The following CHSY3 variants were observed in gnomAD, a reference collection of about 807,000 sequenced individuals.
CHSY3 encodes chondroitin sulfate synthase 3.
In CHSY3, 35 loss-of-function variants were observed where a neutral mutation model predicts 67.2. The ratio of observed to expected loss-of-function variants is 0.52; its 90% CI spans 0.40 to 0.69. The LOEUF (loss-of-function observed/expected upper bound fraction) is 0.69, where lower values mean the gene tolerates loss of function less well. CHSY3 is among the 30% of genes least tolerant of loss of function. The pLI, the probability that CHSY3 is intolerant of heterozygous loss-of-function variation, is 0.00. For missense variants in CHSY3, 1,069 were observed against 1,138.5 expected (o/e 0.94, Z 0.88); for synonymous variants, 474 against 434.7 (o/e 1.09, Z -1.12).
At chr5:130,179,906 T>C (rs1770195132) in intron 2 of CHSY3, among the ~76,000 whole-genome samples, 1 of 152,178 alleles carries the variant, frequency 6.6e-6, no homozygotes, top group African/African-American at 2.4e-5. Flanking sequence ...AGACATAGAT[T>C]TTCTCTGCTG....
rs1379237412 is a variant in CHSY3, at chr5:129,905,323, C to G, written c.494C>G (p.Pro165Arg). The change falls in exon 1 of 3, where the codon CCG (proline) becomes CGG (arginine). Residue 165 changes from proline (P) to arginine (R), a missense_variant. Around this residue, in one of 5 missense-constraint regions of CHSY3, gnomAD observed 309 missense variants for 262.5 expected, o/e 1.18. Coordinates refer to ENST00000305031, the MANE Select transcript of CHSY3 (RefSeq NM_175856.5). ...AGCGGGGACGGGGGCGCTGCCGCCC[C>G]GAGCGCCCGACCCCGGGACTTCCTG... ...NGSGDGGAAA[P>R]SARPRDFLYV... The G allele has an allele frequency of 2.6e-6, 4 of 1,525,250 alleles. No homozygotes were observed. Among genetic ancestry groups the G allele is most frequent in the South Asian group, 2.4e-5 (2 of 82,884 alleles). The allele number at this position is 1,525,250 out of a possible 1,614,324, so 94.5% of individuals were successfully genotyped here.
Position 130,121,940 on chromosome 5 carries a change from G to T in CHSY3, c.1087-62289G>T, listed in dbSNP as rs139074288. Among the ~76,000 whole-genome samples the T allele has an allele frequency of 9.8e-3, 1,489 of 152,022 alleles. 29 individuals are homozygous for T. Among genetic ancestry groups the T allele is most frequent in the African/African-American group, 0.034 (1,417 of 41,480 alleles). Reference sequence around the variant, plus strand: ...AGTGATCCTGGACATGTCCGTCTGGGCTCAGCACCCTCAGCTGCACAGTTC... The same window carrying T: ...AGTGATCCTGGACATGTCCGTCTGGTCTCAGCACCCTCAGCTGCACAGTTC... On this transcript the variant is annotated intron_variant, in intron 2 of 2. Transcript: ENST00000305031.
At chr5:130,030,859 G>A (rs1232675851) in intron 2 of CHSY3, among the ~76,000 whole-genome samples, 1 of 152,046 alleles carries the variant, frequency 6.6e-6, no homozygotes, top group South Asian at 2.1e-4. Flanking sequence ...TTTGAGGATG[G>A]TCTAAAGAAT....
At chr5:130,183,436 G>A (rs559549367) in intron 2 of CHSY3, among the ~76,000 whole-genome samples, 5 of 152,140 alleles carry the variant, frequency 3.3e-5, no homozygotes, top group East Asian at 1.9e-4. Context: ...ATATCAGGAT[G>A]CTAAATGAAA....
intron 2 of CHSY3, among the ~76,000 whole-genome samples, chr5:130,072,428 A>C (rs1328410447): frequency 6.6e-6 from 1 of 152,002 alleles, no homozygotes; most frequent in Non-Finnish European, 1.5e-5. Context: ...TCCTTTCCCC[A>C]TGTGTGTTCT....
At chr5:129,911,197 A>G (rs1760533438) in intron 2 of CHSY3, among the ~76,000 whole-genome samples, 2 of 152,000 alleles carry the variant, frequency 1.3e-5, no homozygotes, top group African/African-American at 2.4e-5. Flanking sequence ...TTCCTTGAAT[A>G]TAAGTTATAT....
At position 130,144,133 on chromosome 5, in the gene CHSY3, CA is replaced by C. The variant is rs59606039; in HGVS notation, c.1087-40085del. Among the ~76,000 whole-genome samples, 371 of 140,796 alleles carry C rather than the reference CA, an allele frequency of 2.6e-3. 3 individuals are homozygous for C. The highest frequency in any genetic ancestry group is 0.015 in the Admixed American group (213 of 13,968). 92.4% of individuals were successfully genotyped at this position (140,796 alleles called of 152,430 possible). A position where few individuals can be genotyped will look rare whatever the true frequency, so the allele number is the denominator to read the frequency against. ...TCTTCTATAAATATATCTTTCCAAGCAAAAAAAAAAATTCACAAGTATTTCC... is the reference window on the plus strand; with the variant it reads ...TCTTCTATAAATATATCTTTCCAAGCAAAAAAAAAATTCACAAGTATTTCC... On this transcript the variant is annotated intron_variant, in intron 2 of 2. Transcript: ENST00000305031.
intron 2 of CHSY3, among the ~76,000 whole-genome samples, chr5:130,070,785 TAATA>T (rs1377631552): frequency 6.6e-6 from 1 of 152,104 alleles, no homozygotes; most frequent in Admixed American, 6.6e-5. Flanking sequence ...AGATGAATCT[TAATA>T]ATGTTAAAGC....
chr5:129,952,711 A>G (rs2149602122), intron 2 of CHSY3, among the ~76,000 whole-genome samples: 1 of 152,294 alleles, frequency 6.6e-6, no homozygotes, highest in East Asian at 1.9e-4. Flanking sequence ...TCCACTAGGA[A>G]AGCACTTTGG....
chr5:129,923,231 G>GT (rs55843566), intron 2 of CHSY3, among the ~76,000 whole-genome samples: 152,153 of 152,154 alleles, frequency 1, 76,076 homozygotes, highest in Middle Eastern at 1. Context: ...TGATGCCTAG[G>GT]TTTGGATTTG....
chr5:129,950,050 G>T (rs1025550316), intron 2 of CHSY3, among the ~76,000 whole-genome samples: 1 of 151,834 alleles, frequency 6.6e-6, no homozygotes, highest in African/African-American at 2.4e-5. Context: ...TGTAGTCTCA[G>T]CTACTCAGGA....
At chr5:129,956,633 T>C (rs1217069309) in intron 2 of CHSY3, among the ~76,000 whole-genome samples, 1 of 152,062 alleles carries the variant, frequency 6.6e-6, no homozygotes, top group African/African-American at 2.4e-5. Flanking sequence ...TTGAATTGAT[T>C]TTTGTGTATG....
intron 2 of CHSY3, among the ~76,000 whole-genome samples, chr5:130,169,558 A>C (rs762044246): frequency 6.6e-6 from 1 of 152,092 alleles, no homozygotes; most frequent in East Asian, 1.9e-4. Context: ...AGTTTGTCCT[A>C]ACTTTATCTG....
intron 2 of CHSY3, among the ~76,000 whole-genome samples, chr5:130,136,118 A>G (rs1050769212): frequency 6.6e-6 from 1 of 152,192 alleles, no homozygotes; most frequent in Admixed American, 6.5e-5. Flanking sequence ...AATCCAGAAG[A>G]GGTTATCTAC....
chr5:130,087,261 A>C (rs1440974692), intron 2 of CHSY3, among the ~76,000 whole-genome samples: 1 of 152,168 alleles, frequency 6.6e-6, no homozygotes, highest in Admixed American at 6.5e-5. Context: ...AGCCAATATC[A>C]TACTGAATGG....
chr5:129,931,094 G>A (rs952267152), intron 2 of CHSY3, among the ~76,000 whole-genome samples: 3 of 151,920 alleles, frequency 2.0e-5, no homozygotes, highest in African/African-American at 7.3e-5. Context: ...ATAATGCACC[G>A]AAAATAACTC....
intron 2 of CHSY3, among the ~76,000 whole-genome samples, chr5:130,013,347 T>A (rs1764122159): frequency 6.6e-6 from 1 of 152,176 alleles, no homozygotes; most frequent in African/African-American, 2.4e-5. Flanking sequence ...GGCAATGCCC[T>A]AGTGGAGACT....
rs1324847184 is a variant in CHSY3 at position 129,989,146 on chromosome 5, T to A, written c.1086+80786T>A. Among the ~76,000 whole-genome samples, 3 of 152,168 alleles carry A rather than the reference T, an allele frequency of 2.0e-5. No individual in the cohort carries two copies. In the East Asian group the frequency reaches 5.8e-4, roughly 29 times the overall value. ...ACAGAAACTTACTGGCTGACGGTTCTGGTGGCTGGAAAGTCCAAGATCAAG... is the reference window on the plus strand; with the variant it reads ...ACAGAAACTTACTGGCTGACGGTTCAGGTGGCTGGAAAGTCCAAGATCAAG... On this transcript the variant is annotated intron_variant, in intron 2 of 2. Coordinates refer to ENST00000305031, the MANE Select transcript of CHSY3 (RefSeq NM_175856.5).
intron 2 of CHSY3, among the ~76,000 whole-genome samples, chr5:130,091,112 A>ACG (rs1491115803): frequency 1.3e-4 from 3 of 22,746 alleles, no homozygotes; most frequent in Non-Finnish European, 2.2e-4. Context: ...CTTAAACGCA[A>ACG]CACACACACA....
Sources: gnomAD v4.1 joint callset for allele counts (sites outside exome capture counted in the v4.1 genomes callset) on GRCh38, gnomAD v4.1.1 for gene constraint, gnomAD v4.1.1 regional missense constraint, MANE v1.5 for transcripts, NCBI Gene and HGNC (gene_info 2026-07-23, HGNC 2026-07-21) for gene names.